Variants in AKAP9 observed in about 807,000 individuals in gnomAD.
AKAP9 encodes A-kinase anchoring protein 9.
AKAP9 carries 311 observed loss-of-function variants against 488.5 expected under a neutral mutation model. The observed-to-expected ratio is 0.64, with a 90% CI of 0.58 to 0.70. The LOEUF is 0.70. Ranked by LOEUF, AKAP9 falls within the 30% of genes least tolerant of loss-of-function variation. The pLI is 0.00. For synonymous variants in AKAP9, 1,462 were observed against 1,483.5 expected (o/e 0.99, Z 0.33); for missense variants, 4,215 against 4,374.5 (o/e 0.96, Z 1.03).
At chr7:92,019,464 T>C (rs967381431) in intron 12 of AKAP9, among the ~76,000 whole-genome samples, 1 of 151,906 alleles carries the variant, frequency 6.6e-6, no homozygotes, top group Non-Finnish European at 1.5e-5. Flanking sequence ...TTTATTTATT[T>C]ATTCCTTAGA....
intron 1 of AKAP9, among the ~76,000 whole-genome samples, chr7:91,952,846 G>A (rs1792432745): frequency 6.6e-6 from 1 of 152,104 alleles, no homozygotes; most frequent in African/African-American, 2.4e-5. Context: ...TAGAGGCAGA[G>A]TCTCACTCTT....
At chr7:91,951,600 T>C (rs1252643994) in intron 1 of AKAP9, among the ~76,000 whole-genome samples, 2 of 152,218 alleles carry the variant, frequency 1.3e-5, no homozygotes, top group Non-Finnish European at 2.9e-5. Context: ...GCTGGGATTA[T>C]AGGTGTGAGC....
At chr7:92,065,207 A>C (rs1187143976) in intron 24 of AKAP9, 24 bp from the exon 25 acceptor site, 7 of 1,408,524 alleles carry the variant, frequency 5.0e-6, no homozygotes, top group Non-Finnish European at 7.0e-6. Context: ...GATTTAATTC[A>C]GTATATTTTG....
In AKAP9 at chr7:92,045,012, G is replaced by A; in HGVS notation, c.5167G>A (p.Ala1723Thr). 6.2e-7 allele frequency: 1 copy of A among 1,606,290 alleles called. No homozygotes were observed. The highest frequency in any genetic ancestry group is 8.5e-7 in the Non-Finnish European group (1 of 1,173,078). The change falls in exon 21 of 50, where the codon GCA becomes ACA. Residue 1723 changes from alanine to threonine, a missense_variant. Transcript: ENST00000356239. The stretch of plus-strand genomic sequence containing the variant: ...AGTGCTTCTTTATCTATACAGGTAT[G>A]CACTCCAGAAAGCTAATAATAGACT... Reference protein sequence around the residue: ...PPEILSNERYALQKANNRLLK... With the variant: ...PPEILSNERYTLQKANNRLLK...
chr7:92,001,269 A>G lies in AKAP9; in HGVS notation c.1352A>G (p.Glu451Gly). 6.2e-7 allele frequency: 1 copy of G among 1,614,042 alleles called. No individual in the cohort carries two copies. Among genetic ancestry groups the G allele is most frequent in the Non-Finnish European group, 8.5e-7 (1 of 1,179,946 alleles). ...YGQQIVQMKQ[E>G]LIRQHMAQME... ...CAGCAGATAGTGCAAATGAAACAAG[A>G]ATTAATAAGACAACACATGGCACAG... is the stretch of plus-strand genomic sequence containing the variant. The change falls in exon 8 of 50, where the codon GAA becomes GGA. Residue 451 changes from glutamate (E) to glycine (G), a missense_variant. Physicochemically the swap from Glu to Gly is moderately conservative, Grantham distance 98. Transcript: ENST00000356239.
At chr7:92,016,040 C>T (rs752736844) in intron 10 of AKAP9, 89 bp from the exon 11 acceptor site, 20 of 1,084,198 alleles carry the variant, frequency 1.8e-5, no homozygotes, top group Middle Eastern at 4.1e-4. Context: ...CCATTTTGAC[C>T]GCCTTGCATC....
intron 30 of AKAP9, 142 bp from the exon 31 acceptor site, chr7:92,078,937 G>A (rs1198233162): frequency 5.3e-6 from 3 of 568,524 alleles, no homozygotes; most frequent in Non-Finnish European, 9.1e-6. Flanking sequence ...GGTCTATAAT[G>A]AAATTAAGTA....
intron 22 of AKAP9, among the ~76,000 whole-genome samples, chr7:92,055,956 C>G (rs941151723): frequency 2.0e-5 from 3 of 151,898 alleles, no homozygotes; most frequent in East Asian, 1.9e-4. Flanking sequence ...AACTACTTAC[C>G]TACAGATTTT....
intron 14 of AKAP9, 137 bp from the exon 15 acceptor site, chr7:92,029,758 A>T: frequency 1.5e-6 from 1 of 670,102 alleles, no homozygotes; most frequent in Non-Finnish European, 2.7e-6. Context: ...ATATGATTTA[A>T]CTTGCAATAC....
chr7:92,106,132 T>TG (rs1818475480), intron 47 of AKAP9, among the ~76,000 whole-genome samples: 1 of 152,204 alleles, frequency 6.6e-6, no homozygotes, highest in African/African-American at 2.4e-5. Context: ...CCAAAAAGGT[T>TG]GGGGACTGCT....
At chr7:92,036,104 AG>A (rs1241838191) in intron 16 of AKAP9, among the ~76,000 whole-genome samples, 1 of 151,646 alleles carries the variant, frequency 6.6e-6, no homozygotes, top group Non-Finnish European at 1.5e-5. Flanking sequence ...TATCCATAAA[AG>A]TTTGTTTTGT....
intron 26 of AKAP9, among the ~76,000 whole-genome samples, chr7:92,067,143 T>G (rs1810898364): frequency 2.6e-5 from 4 of 152,164 alleles, no homozygotes; most frequent in African/African-American, 9.7e-5. Flanking sequence ...AATGATGGAG[T>G]GCCCCAAAAC....
rs200003602 is a variant in AKAP9, at chr7:92,002,790, G to A, written c.2873G>A (p.Arg958Lys). 6.8e-6 allele frequency: 11 copies of A among 1,613,680 alleles called. No homozygotes were observed. The East Asian group carries it at 2.2e-4, about 33-fold the overall frequency. ...CGAGAGAAATTAGAGCTGTCACAGA[G>A]ACTGTCTGATCTTTCTGAACAATTG... ...TKREKLELSQ[R>K]LSDLSEQLKQ... Residue 958 changes from arginine to lysine, a missense_variant, in exon 8 of 50, where the codon AGA (arginine) becomes AAA (lysine). Transcript: ENST00000356239.
chr7:91,979,205 G>A (rs1377562416), intron 2 of AKAP9, among the ~76,000 whole-genome samples: 2 of 152,072 alleles, frequency 1.3e-5, no homozygotes, highest in Non-Finnish European at 2.9e-5. Flanking sequence ...CGGAGACTAG[G>A]TCATTTATAA....
chr7:92,038,310 T>C (rs1805515572), intron 16 of AKAP9, 109 bp from the exon 17 acceptor site: 1 of 787,818 alleles, frequency 1.3e-6, no homozygotes, highest in African/African-American at 1.7e-5. Context: ...TTTAGAACCG[T>C]GAGGCCATGC....
At chr7:92,058,807 T>C (rs188755881) in intron 22 of AKAP9, among the ~76,000 whole-genome samples, 556 of 152,148 alleles carry the variant, frequency 3.7e-3, no homozygotes, top group Non-Finnish European at 5.1e-3. Context: ...TACAATCATA[T>C]GTTATATTGG....
At chr7:92,058,633 C>G (rs377316418) in intron 22 of AKAP9, among the ~76,000 whole-genome samples, 2 of 151,922 alleles carry the variant, frequency 1.3e-5, no homozygotes, top group Admixed American at 1.3e-4. Flanking sequence ...CAATGCCAGG[C>G]AGTTTGTTTA....
intron 8 of AKAP9, among the ~76,000 whole-genome samples, chr7:92,004,132 C>T (rs1224596794): frequency 6.6e-6 from 1 of 152,166 alleles, no homozygotes; most frequent in Admixed American, 6.5e-5. Flanking sequence ...GGAATTATTT[C>T]TGAGGGCTCT....
Position 92,077,887 on chromosome 7 carries a change from TA to T in AKAP9, c.6945+16del, listed in dbSNP as rs1420968444. On this transcript the variant is annotated intron_variant, in intron 30 of 49. Coordinates refer to ENST00000356239, the MANE Select transcript of AKAP9 (RefSeq NM_005751.5). ...CAACAGATAACAAGGTATACTCATTTAAAATTGATTATGAAATTAATATGAA... is the reference window on the plus strand; with the variant it reads ...CAACAGATAACAAGGTATACTCATTTAAATTGATTATGAAATTAATATGAA... 1 of 1,589,844 alleles carries T rather than the reference TA, an allele frequency of 6.3e-7. No individual in the cohort carries two copies. Among genetic ancestry groups the T allele is most frequent in the East Asian group, 2.3e-5 (1 of 44,240 alleles).
Sources: allele counts gnomAD v4.1 joint callset (sites outside exome capture counted in the v4.1 genomes callset), GRCh38; gene constraint gnomAD v4.1.1; transcripts MANE v1.5; gene names NCBI Gene and HGNC (gene_info 2026-07-23, HGNC 2026-07-21).